Variants in NTM observed in about 807,000 individuals in gnomAD.
The protein encoded by NTM is neurotrimin, also known as IgLON family member 2.
A neutral mutation model predicts 42.1 loss-of-function variants in NTM; 13 were observed. The ratio of observed to expected loss-of-function variants is 0.31; its 90% confidence interval spans 0.20 to 0.49. The LOEUF (loss-of-function observed/expected upper bound fraction) is 0.49, where lower values mean the gene tolerates loss of function less well. NTM is among the 20% of genes least tolerant of loss of function. The pLI, the probability that NTM is intolerant of heterozygous loss-of-function variation, is 0.99. For missense variants in NTM, 373 were observed against 452.8 expected, an observed-to-expected ratio of 0.82 and a Z score of 1.60; for synonymous variants, 187 against 179.2, an observed-to-expected ratio of 1.04 and a Z score of -0.35.
intron 4 of NTM, among the ~76,000 whole-genome samples, chr11:132,291,255 G>A (rs753652436): frequency 6.6e-6 from 1 of 152,204 alleles, no homozygotes; most frequent in African/African-American, 2.4e-5. Context: ...ATGGATTCAA[G>A]ATATACTTTA....
chr11:131,867,636 A>T (rs1200791534), intron 1 of NTM, among the ~76,000 whole-genome samples: 2 of 151,272 alleles, frequency 1.3e-5, no homozygotes, highest in Admixed American at 6.6e-5. Flanking sequence ...GTCTGTGTTT[A>T]TGTCTGTGTA....
chr11:132,311,875 G>A (rs2095291383), intron 6 of NTM, among the ~76,000 whole-genome samples: 1 of 152,188 alleles, frequency 6.6e-6, no homozygotes, highest in African/African-American at 2.4e-5. Flanking sequence ...GGTCACAATA[G>A]GGACAGCTGT....
chr11:131,582,274 G>A (rs1459427829), intron 1 of NTM: 1 of 152,190 alleles, frequency 6.6e-6, no homozygotes, highest in Non-Finnish European at 1.5e-5. Flanking sequence ...ATATGGACTC[G>A]AATCTACGCC....
chr11:131,795,991 T>C, intron 1 of NTM: 2 of 985,232 alleles, frequency 2.0e-6, no homozygotes, highest in Non-Finnish European at 1.2e-6. Context: ...GTGTTTCAGA[T>C]TGAAGAAGTT....
chr11:132,153,955 G>A (rs1457370350), intron 3 of NTM, among the ~76,000 whole-genome samples: 2 of 152,206 alleles, frequency 1.3e-5, no homozygotes, highest in African/African-American at 2.4e-5. Flanking sequence ...TATTTCATGA[G>A]GGTCTTCAAT....
intron 1 of NTM, among the ~76,000 whole-genome samples, chr11:131,851,372 T>C (rs2045519225): frequency 6.6e-6 from 1 of 152,120 alleles, no homozygotes; most frequent in Admixed American, 6.6e-5. Flanking sequence ...GATTCCCTGC[T>C]CATAAGTCAG....
At position 131,610,175 on chromosome 11, in the gene NTM, C is replaced by G. The variant is rs59132816; in HGVS notation, c.82+239287C>G. Among the ~76,000 whole-genome samples the G allele has an allele frequency of 2.6e-5, 4 of 152,240 alleles. No individual in the cohort carries two copies. The East Asian group carries it at 7.7e-4, about 29-fold the overall frequency. On this transcript the variant is annotated intron_variant, in intron 1 of 8. Transcript: ENST00000683400. The stretch of plus-strand genomic sequence containing the variant: ...CTGGGTAAACTGAGAGAAAATAAAC[C>G]TAGTTCAAGCAAAGAAACAAAACTA...
At chr11:131,834,405 T>G (rs904305383) in intron 1 of NTM, among the ~76,000 whole-genome samples, 4 of 152,028 alleles carry the variant, frequency 2.6e-5, no homozygotes, top group African/African-American at 9.7e-5. Flanking sequence ...ACTCAGTCAA[T>G]AAGTGTTTAC....
intron 2 of NTM, among the ~76,000 whole-genome samples, chr11:131,924,225 A>G (rs687322): frequency 0.99 from 151,424 of 152,242 alleles, 75,307 homozygotes; most frequent in East Asian, 1. Flanking sequence ...AAAAGTATCA[A>G]CGCAGTTCAT....
intron 1 of NTM, among the ~76,000 whole-genome samples, chr11:131,816,512 G>T (rs2092956301): frequency 6.6e-6 from 1 of 150,548 alleles, no homozygotes; most frequent in Non-Finnish European, 1.5e-5. Context: ...GTTGACTTCT[G>T]GGTGGGGAAA....
chr11:131,490,923 G>A lies in NTM; in HGVS notation c.82+120035G>A, dbSNP rs1002234811. ...GTCTATGCATATTACATTCTTGCTA[G>A]CTGTTCTGCTGTAGGGATGGCTTTC... On this transcript the variant is annotated intron_variant, in intron 1 of 8. Coordinates refer to ENST00000683400, the MANE Select transcript of NTM (RefSeq NM_001352005.2). Among the ~76,000 whole-genome samples the A allele has an allele frequency of 7.2e-5, 11 of 152,150 alleles. 1 individual carries two copies. Among genetic ancestry groups the A allele is most frequent in the Admixed American group, 2.0e-4 (3 of 15,274 alleles).
intron 1 of NTM, among the ~76,000 whole-genome samples, chr11:131,674,402 G>A (rs1165041300): frequency 2.0e-5 from 3 of 152,206 alleles, no homozygotes; most frequent in East Asian, 1.9e-4. Context: ...GTGGCTTAGC[G>A]GCTGGACGTC....
At chr11:131,824,683 C>A (rs2041921404) in intron 1 of NTM, among the ~76,000 whole-genome samples, 1 of 152,110 alleles carries the variant, frequency 6.6e-6, no homozygotes, top group South Asian at 2.1e-4. Context: ...TTGAGTGATA[C>A]ACAATTATGA....
rs145335233 is a variant in NTM at position 131,651,505 on chromosome 11, G to A, written c.83-260059G>A. On this transcript the variant is annotated intron_variant, in intron 1 of 8. Coordinates refer to ENST00000683400, the MANE Select transcript of NTM (RefSeq NM_001352005.2). ...GGATTCTTGGTCATACATTCAGCTC[G>A]GGACTAGTGCATTTAAATCTTTGTC... 9.2e-5 allele frequency among the ~76,000 whole-genome samples: 14 copies of A among 152,230 alleles called. No individual in the cohort carries two copies. The East Asian group carries it at 1.2e-3, about 13-fold the overall frequency.
chr11:131,677,047 T>C lies in NTM; in HGVS notation c.83-234517T>C, dbSNP rs550491125. ...GGTAGTGTTGGGCACTTTTCAGATG[T>C]TGCCCAAATCACCAGCAGCTAGATC... On this transcript the variant is annotated intron_variant, in intron 1 of 8. Transcript: ENST00000683400. 4.9e-4 allele frequency among the ~76,000 whole-genome samples: 74 copies of C among 152,344 alleles called. 1 individual carries two copies. Among genetic ancestry groups the C allele is most frequent in the African/African-American group, 1.7e-3 (71 of 41,578 alleles).
chr11:131,686,991 A>G (rs145359097), intron 1 of NTM, among the ~76,000 whole-genome samples: 338 of 152,270 alleles, frequency 2.2e-3, no homozygotes, highest in African/African-American at 7.7e-3. Context: ...AGCGGAGCCC[A>G]GGCCGCAGGG....
At chr11:132,104,076 T>A (rs908922056) in intron 2 of NTM, among the ~76,000 whole-genome samples, 1 of 152,272 alleles carries the variant, frequency 6.6e-6, no homozygotes, top group Non-Finnish European at 1.5e-5. Flanking sequence ...GGACTGTGTT[T>A]TTCGTTGTTG....
chr11:132,326,341 G>A (rs954788497), intron 7 of NTM, among the ~76,000 whole-genome samples: 3 of 152,070 alleles, frequency 2.0e-5, no homozygotes, highest in Non-Finnish European at 4.4e-5. Flanking sequence ...TCAGGTAGGG[G>A]TTTTTAACAA....
intron 1 of NTM, among the ~76,000 whole-genome samples, chr11:131,789,629 A>AAGAAGAAGG (rs1565552937): frequency 1.1e-5 from 1 of 89,178 alleles, no homozygotes; most frequent in Non-Finnish European, 2.4e-5. Context: ...GAAGAAGAAG[A>AAGAAGAAGG]AGAAGAAAAG....
Sources: allele counts gnomAD v4.1 joint callset (sites outside exome capture counted in the v4.1 genomes callset), GRCh38; gene constraint gnomAD v4.1.1; transcripts MANE v1.5; gene names NCBI Gene and HGNC (gene_info 2026-07-23, HGNC 2026-07-21).